The following BIRC6 variants were observed in gnomAD, a reference collection of about 807,000 sequenced individuals.
BIRC6 encodes the protein dual E2 ubiquitin-conjugating enzyme/E3 ubiquitin-protein ligase BIRC6.
Under a neutral mutation model 503.3 loss-of-function variants are expected in BIRC6, and 98 were observed. The ratio of observed to expected loss-of-function variants is 0.19; its 90% CI spans 0.17 to 0.23. The LOEUF (loss-of-function observed/expected upper bound fraction) is 0.23, where lower values mean the gene tolerates loss of function less well. BIRC6 is among the 10% of genes least tolerant of loss of function. The pLI, the probability that BIRC6 is intolerant of heterozygous loss-of-function variation, is 1.00. For missense variants in BIRC6, 5,360 were observed against 5,806.0 expected (o/e 0.92, Z 2.50); for synonymous variants, 2,240 against 2,078.7 (o/e 1.08, Z -2.11).
chr2:32,611,550 A>G lies in BIRC6; in HGVS notation c.14362A>G (p.Arg4788Gly), dbSNP rs1240905244. 3 of 1,598,906 alleles carry G rather than the reference A, an allele frequency of 1.9e-6. No individual in the cohort carries two copies. The highest frequency in any genetic ancestry group is 2.6e-6 in the Non-Finnish European group (3 of 1,171,018). The change falls in exon 73 of 74, where the codon AGG becomes GGG. Residue 4788 changes from arginine (R) to glycine (G), a missense_variant. Arg to Gly is a moderately radical substitution (Grantham distance 125). Around this residue, in one of 16 missense-constraint regions of BIRC6, gnomAD observed 140 missense variants for 130.2 expected, o/e 1.07. Coordinates refer to ENST00000421745, the MANE Select transcript of BIRC6 (RefSeq NM_016252.4). ...QQYSSDKRVG[R>G]TMSHHAAALK... Reference sequence around the variant, plus strand: ...GTACAGCAGTGATAAGCGGGTAGGCAGGACTATGTCTCACCATGCAGCAGC... The same window carrying G: ...GTACAGCAGTGATAAGCGGGTAGGCGGGACTATGTCTCACCATGCAGCAGC...
intron 10 of BIRC6, among the ~76,000 whole-genome samples, chr2:32,428,436 A>ATCAAG (rs2043762147): frequency 6.6e-6 from 1 of 152,200 alleles, no homozygotes; most frequent in South Asian, 2.1e-4. Context: ...CTCTCCATCA[A>ATCAAG]TCAAGTCCCA....
intron 1 of BIRC6, among the ~76,000 whole-genome samples, chr2:32,363,221 A>G (rs2034385817): frequency 6.6e-6 from 1 of 152,092 alleles, no homozygotes; most frequent in Admixed American, 6.5e-5. Flanking sequence ...AGTCCCAGAT[A>G]CTCGGGAGGC....
At position 32,531,594 on chromosome 2, in the gene BIRC6, AG is replaced by A. The variant is rs1199503833; in HGVS notation, c.12291+44del. The A allele has an allele frequency of 2.7e-6, 4 of 1,471,234 alleles. No homozygotes were observed. In the African/African-American group the frequency reaches 5.6e-5, roughly 21 times the overall value. The allele number at this position is 1,471,234 out of a possible 1,614,324, so 91.1% of individuals were successfully genotyped here. The stretch of plus-strand genomic sequence containing the variant: ...AATCGAGTATATCATTCCATAGCTA[AG>A]CCCTTCATTCTTTTTAATGTTTGTT... On this transcript the variant is annotated intron_variant, in intron 61 of 73. Transcript: ENST00000421745.
chr2:32,502,875 A>T lies in BIRC6; in HGVS notation c.9288A>T (p.Lys3096Asn). The change falls in exon 48 of 74, where the codon AAA (lysine) becomes AAT (asparagine). Residue 3096 changes from lysine (K) to asparagine (N), a missense_variant. By Grantham distance (94) the Lys-to-Asn change is moderately conservative (BLOSUM62 0). Transcript: ENST00000421745. ...TATTGGATACTAGTGATGCCTTGAAAGCATTTCATGATATGGGTAAGATAA... is the reference window on the plus strand; with the variant it reads ...TATTGGATACTAGTGATGCCTTGAATGCATTTCATGATATGGGTAAGATAA... ...LRVLDTSDAL[K>N]AFHDMGGVQL... The T allele has an allele frequency of 6.2e-7, 1 of 1,610,464 alleles. No individual in the cohort carries two copies. Among genetic ancestry groups the T allele is most frequent in the Non-Finnish European group, 8.5e-7 (1 of 1,177,684 alleles).
At chr2:32,573,235 G>C (rs1306403151) in intron 65 of BIRC6, among the ~76,000 whole-genome samples, 1 of 152,104 alleles carries the variant, frequency 6.6e-6, no homozygotes, top group Non-Finnish European at 1.5e-5. Context: ...GTCTTGCTCT[G>C]TCACCCAGGC....
At chr2:32,490,628 C>T (rs371876532) in intron 43 of BIRC6, among the ~76,000 whole-genome samples, 38 of 152,158 alleles carry the variant, frequency 2.5e-4, no homozygotes, top group African/African-American at 8.9e-4. Flanking sequence ...AATATAGTCT[C>T]ATATGTCTCG....
In BIRC6 at chr2:32,471,137, A is replaced by T; in HGVS notation, c.6592+13A>T. The T allele has an allele frequency of 6.4e-7, 1 of 1,556,598 alleles. No individual in the cohort carries two copies. Among genetic ancestry groups the T allele is most frequent in the Non-Finnish European group, 8.7e-7 (1 of 1,148,698 alleles). ...AAACCTTTGAATGGTAAAGACAGGG[A>T]GAGGTTTCTGACAGGTATCAGAAGT... is the stretch of plus-strand genomic sequence containing the variant. On this transcript the variant is annotated intron_variant, in intron 32 of 73. Transcript: ENST00000421745.
chr2:32,465,145 T>C lies in BIRC6; in HGVS notation c.5337T>C (p.Ile1779=), dbSNP rs751969831. The C allele has an allele frequency of 6.3e-7, 1 of 1,583,302 alleles. No homozygotes were observed. The highest frequency in any genetic ancestry group is 1.2e-5 in the South Asian group (1 of 85,802). Residue 1779 remains isoleucine (I), a synonymous_variant, in exon 26 of 74, where the codon ATT becomes ATC. Coordinates refer to ENST00000421745, the MANE Select transcript of BIRC6 (RefSeq NM_016252.4). ...FLQPPPHQSI[I]IERMHSGARR... is the part of the protein sequence containing the mutation. ...AACCTCCGCCTCACCAGTCCATTAT[T>C]ATAGAGCGAATGCATTCAGGTAATC...
intron 72 of BIRC6, among the ~76,000 whole-genome samples, chr2:32,608,393 C>G (rs1213199019): frequency 6.6e-6 from 1 of 151,934 alleles, no homozygotes. Flanking sequence ...CTTTCCTTTT[C>G]CTCTCCTCTC....
chr2:32,615,258 C>T (rs560056452), intron 73 of BIRC6, among the ~76,000 whole-genome samples: 1 of 152,336 alleles, frequency 6.6e-6, no homozygotes, highest in African/African-American at 2.4e-5. Flanking sequence ...AATATCCAAA[C>T]TAGATCAATC....
chr2:32,543,920 T>C (rs2057862513), intron 62 of BIRC6, among the ~76,000 whole-genome samples: 1 of 152,158 alleles, frequency 6.6e-6, no homozygotes, highest in East Asian at 1.9e-4. Context: ...AGTGCAGTAT[T>C]ATGGAGAAAC....
intron 1 of BIRC6, among the ~76,000 whole-genome samples, chr2:32,374,842 C>T (rs914451079): frequency 2.6e-5 from 4 of 152,076 alleles, no homozygotes; most frequent in Non-Finnish European, 5.9e-5. Flanking sequence ...CTGGCTCAAG[C>T]GATCCTTCCG....
At chr2:32,574,899 C>T in intron 65 of BIRC6, 1 of 469,690 alleles carries the variant, frequency 2.1e-6, no homozygotes, top group East Asian at 4.2e-5. Flanking sequence ...AGGCATGCGC[C>T]ATCCCACCTG....
intron 10 of BIRC6, among the ~76,000 whole-genome samples, chr2:32,428,925 T>G (rs1371015569): frequency 6.6e-6 from 1 of 152,190 alleles, no homozygotes; most frequent in African/African-American, 2.4e-5. Context: ...AATACCTGTT[T>G]TCATGTATGT....
chr2:32,520,935 AAAT>A (rs1162098138), intron 57 of BIRC6, among the ~76,000 whole-genome samples: 1 of 152,250 alleles, frequency 6.6e-6, no homozygotes, highest in Non-Finnish European at 1.5e-5. Flanking sequence ...TTCTAATACA[AAAT>A]AACTGAAAAT....
In BIRC6 at chr2:32,442,203, A is replaced by G; in HGVS notation, c.4083A>G (p.Gly1361=). Residue 1361 remains glycine, a synonymous_variant, in exon 18 of 74, where the codon GGA becomes GGG. Coordinates refer to ENST00000421745, the MANE Select transcript of BIRC6 (RefSeq NM_016252.4). ...TGGATACTCTCTGTTGGTTAGCTGG[A>G]GTTCATTCAAATGGACCCGGAAGGT... ...LVLDTLCWLA[G]VHSNGPGSSK... is the part of the protein sequence containing the mutation. The G allele has an allele frequency of 1.2e-6, 2 of 1,607,130 alleles. No homozygotes were observed. Among genetic ancestry groups the G allele is most frequent in the Non-Finnish European group, 1.7e-6 (2 of 1,177,432 alleles).
In BIRC6 at chr2:32,464,497, CT is replaced by C; in HGVS notation, c.4942-10del. ...GATTAGTCTATATATGTTGCTTTTA[CT>C]TCTTTTGCAGAAAGCAAAGCTGGAA... On this transcript the variant is annotated splice_polypyrimidine_tract_variant and intron_variant, in intron 24 of 73. Transcript: ENST00000421745. The C allele has an allele frequency of 6.5e-7, 1 of 1,549,942 alleles. No homozygotes were observed. Among genetic ancestry groups the C allele is most frequent in the South Asian group, 1.2e-5 (1 of 84,298 alleles).
At chr2:32,409,060 A>G (rs1270084424) in intron 9 of BIRC6, among the ~76,000 whole-genome samples, 3 of 152,226 alleles carry the variant, frequency 2.0e-5, no homozygotes, top group South Asian at 2.1e-4. Flanking sequence ...TTATCAGAGC[A>G]TATCCAATTT....
chr2:32,416,202 A>G, intron 10 of BIRC6, 39 bp downstream of exon 10: 1 of 1,515,176 alleles, frequency 6.6e-7, no homozygotes, highest in Non-Finnish European at 8.9e-7. Context: ...TATAAAATCC[A>G]TGTATATATG....
Sources: allele counts gnomAD v4.1 joint callset (sites outside exome capture counted in the v4.1 genomes callset), GRCh38; gene constraint gnomAD v4.1.1; regional missense constraint gnomAD v4.1.1; transcripts MANE v1.5; gene names NCBI Gene and HGNC (gene_info 2026-07-23, HGNC 2026-07-21).